FGF9: variants seen among roughly 807,000 people sequenced by gnomAD.
FGF9 encodes fibroblast growth factor 9 (glia-activating factor).
FGF9 carries 3 observed loss-of-function variants against 19.9 expected under a neutral mutation model. The observed-to-expected ratio is 0.15, with a 90% confidence interval of 0.07 to 0.39. The LOEUF (loss-of-function observed/expected upper bound fraction) is 0.39, where lower values mean the gene tolerates loss of function less well. Among genes scored for constraint, FGF9 ranks in the 10% least tolerant of loss-of-function variants. FGF9 has a pLI of 1.00. For synonymous variants in FGF9, 107 were observed against 106.9 expected (o/e 1.00, Z -0.01); for missense variants, 175 against 256.8 (o/e 0.68, Z 2.18).
rs79811835 is a variant in FGF9 at position 21,690,151 on chromosome 13, A to G, written c.381+9006A>G. Among the ~76,000 whole-genome samples, 9 of 152,232 alleles carry G rather than the reference A, an allele frequency of 5.9e-5. No individual in the cohort carries two copies. The East Asian group carries it at 1.7e-3, about 29-fold the overall frequency. ...GATTCAGAATAGGGCTCAAATTGGA[A>G]GCTCTCTGTAATCAGTCACACATTC... On this transcript the variant is annotated intron_variant, in intron 2 of 2. Coordinates refer to ENST00000382353, the MANE Select transcript of FGF9 (RefSeq NM_002010.3).
chr13:21,673,554 C>T (rs1430157583), intron 1 of FGF9, among the ~76,000 whole-genome samples: 1 of 152,200 alleles, frequency 6.6e-6, no homozygotes, highest in African/African-American at 2.4e-5. Context: ...ATAACTATCC[C>T]CTCCCCACCC....
intron 2 of FGF9, among the ~76,000 whole-genome samples, chr13:21,686,658 CAG>C (rs1276556208): frequency 6.6e-6 from 1 of 152,180 alleles, no homozygotes; most frequent in African/African-American, 2.4e-5. Flanking sequence ...TTTTTGGAGT[CAG>C]AGTCTTTGGC....
At chr13:21,675,508 A>G (rs1240067952) in intron 1 of FGF9, among the ~76,000 whole-genome samples, 1 of 151,602 alleles carries the variant, frequency 6.6e-6, no homozygotes, top group African/African-American at 2.4e-5. Context: ...GGAGGGGGCG[A>G]GGGGGCTGCG....
intron 2 of FGF9, among the ~76,000 whole-genome samples, chr13:21,692,869 T>C (rs1228800107): frequency 3.3e-5 from 5 of 152,244 alleles, no homozygotes. Context: ...CAATAAAGCC[T>C]TATTTACCAA....
At chr13:21,684,559 T>C (rs1262681972) in intron 2 of FGF9, among the ~76,000 whole-genome samples, 2 of 152,190 alleles carry the variant, frequency 1.3e-5, no homozygotes, top group African/African-American at 2.4e-5. Context: ...GGCCTGTGTG[T>C]GCCTGTGTTG....
chr13:21,696,532 C>T (rs374362338), intron 2 of FGF9, among the ~76,000 whole-genome samples: 3 of 78,912 alleles, frequency 3.8e-5, no homozygotes, highest in Admixed American at 1.7e-4. Context: ...CTCTATAAAC[C>T]GTCTGCATTA....
chr13:21,698,661 T>TTGTGCTATGGG (rs1872471711), intron 2 of FGF9, among the ~76,000 whole-genome samples: 1 of 152,144 alleles, frequency 6.6e-6, no homozygotes, highest in South Asian at 2.1e-4. Context: ...AGAAAAACCA[T>TTGTGCTATGGG]TGTGCTATGG....
chr13:21,679,147 T>A (rs934940981), intron 1 of FGF9, among the ~76,000 whole-genome samples: 2 of 152,238 alleles, frequency 1.3e-5, no homozygotes, highest in African/African-American at 4.8e-5. Flanking sequence ...GAGTCATAGA[T>A]TATCAGATTC....
chr13:21,679,782 CAAAAAAAA>C (rs760146847), intron 1 of FGF9, among the ~76,000 whole-genome samples: 26 of 52,438 alleles, frequency 5.0e-4, no homozygotes, highest in African/African-American at 1.5e-3. Context: ...ACTAAAAATA[CAAAAAAAA>C]AAAAAAAAAA....
intron 1 of FGF9, among the ~76,000 whole-genome samples, chr13:21,680,047 C>G (rs1565949389): frequency 6.6e-6 from 1 of 151,166 alleles, no homozygotes; most frequent in Non-Finnish European, 1.5e-5. Flanking sequence ...GAAATTGAAA[C>G]TGCTGTTGTG....
chr13:21,699,043 T>C (rs1408505512), intron 2 of FGF9, among the ~76,000 whole-genome samples: 2 of 152,224 alleles, frequency 1.3e-5, no homozygotes, highest in African/African-American at 2.4e-5. Flanking sequence ...TTAACACACT[T>C]AAACTTCTAT....
chr13:21,687,425 T>C (rs865850471), intron 2 of FGF9, among the ~76,000 whole-genome samples: 4 of 152,264 alleles, frequency 2.6e-5, no homozygotes, highest in African/African-American at 7.2e-5. Flanking sequence ...TTCCTTATAC[T>C]TCTTTGACAA....
At chr13:21,689,028 C>T (rs984345546) in intron 2 of FGF9, among the ~76,000 whole-genome samples, 4 of 152,154 alleles carry the variant, frequency 2.6e-5, no homozygotes, top group African/African-American at 7.2e-5. Flanking sequence ...AGACATTTCC[C>T]GTCTGGGATG....
rs2138151237 is a variant in FGF9, at chr13:21,702,120, A to G, written c.*685A>G. 1 of 152,210 alleles carries G rather than the reference A, an allele frequency of 6.6e-6. No individual in the cohort carries two copies. The highest frequency in any genetic ancestry group is 1.9e-4 in the East Asian group (1 of 5,192). 9.4% of individuals were successfully genotyped at this position (152,210 alleles called of 1,614,324 possible). Reference sequence around the variant, plus strand: ...ATTTTTAATGAAACATGTACAGGCCAGATAGGCATTTTGGAAGCTTTAGGC... The same window carrying G: ...ATTTTTAATGAAACATGTACAGGCCGGATAGGCATTTTGGAAGCTTTAGGC... On this transcript the variant is annotated 3_prime_UTR_variant, in exon 3 of 3. Coordinates refer to ENST00000382353, the MANE Select transcript of FGF9 (RefSeq NM_002010.3).
At chr13:21,693,275 T>TAGTGGGGGCTAGG (rs1872333337) in intron 2 of FGF9, among the ~76,000 whole-genome samples, 2 of 151,960 alleles carry the variant, frequency 1.3e-5, no homozygotes, top group Non-Finnish European at 2.9e-5. Context: ...GATGTGAGTA[T>TAGTGGGGGCTAGG]AGTGGGGGCT....
rs149049036 is a variant in FGF9, at chr13:21,678,565, G to C, written c.278-2477G>C. Among the ~76,000 whole-genome samples, 180 of 151,276 alleles carry C rather than the reference G, an allele frequency of 1.2e-3. 3 individuals are homozygous for C. The East Asian group carries it at 0.02, about 16-fold the overall frequency. On this transcript the variant is annotated intron_variant, in intron 1 of 2. Transcript: ENST00000382353. The stretch of plus-strand genomic sequence containing the variant: ...GCTGCTGCTGTTATTTTTTTTTCTT[G>C]ATGTTCTGCAGACCAGCCAGTGAAA...
chr13:21,675,970 T>C lies in FGF9; in HGVS notation c.277+3781T>C, dbSNP rs1289837624. On this transcript the variant is annotated intron_variant, in intron 1 of 2. Transcript: ENST00000382353. ...TCGGATTGGTGGTGTGGAGATAAGATTGAACAAGGAGAAAAGGAACTCGCA... is the reference window on the plus strand; with the variant it reads ...TCGGATTGGTGGTGTGGAGATAAGACTGAACAAGGAGAAAAGGAACTCGCA... Among the ~76,000 whole-genome samples, 4 of 151,428 alleles carry C rather than the reference T, an allele frequency of 2.6e-5. No homozygotes were observed. In the East Asian group the frequency reaches 5.9e-4, roughly 22 times the overall value.
chr13:21,684,753 T>C (rs1343033614), intron 2 of FGF9, among the ~76,000 whole-genome samples: 1 of 152,240 alleles, frequency 6.6e-6, no homozygotes, highest in Admixed American at 6.5e-5. Flanking sequence ...CCAGTCTGGA[T>C]GGATCCCAAG....
chr13:21,690,316 ATTC>A (rs1279912057), intron 2 of FGF9, among the ~76,000 whole-genome samples: 5 of 152,052 alleles, frequency 3.3e-5, no homozygotes, highest in Non-Finnish European at 5.9e-5. Flanking sequence ...GCTCACACAC[ATTC>A]TTCTTTTCAT....
Sources: allele counts gnomAD v4.1 joint callset (sites outside exome capture counted in the v4.1 genomes callset), GRCh38; gene constraint gnomAD v4.1.1; transcripts MANE v1.5; gene names NCBI Gene and HGNC (gene_info 2026-07-23, HGNC 2026-07-21).